The following GPR132 variants were observed in gnomAD, a reference collection of about 807,000 sequenced individuals.
GPR132 encodes the protein G protein-coupled receptor 132.
GPR132 carries 4 observed loss-of-function variants against 1.9 expected under a neutral mutation model. The observed-to-expected ratio is 2.13, with a 90% CI of 1.05 to 4.87. GPR132 has a LOEUF of 4.87. GPR132 is among the 30% of genes most tolerant of loss of function. GPR132 has a pLI of 0.01. For synonymous variants in GPR132, 233 were observed against 234.2 expected (o/e 0.99, Z 0.05); for missense variants, 404 against 512.5 (o/e 0.79, Z 2.04).
chr14:105,051,306 G>C lies in GPR132; in HGVS notation c.831C>G (p.Asn277Lys). The C allele has an allele frequency of 6.2e-7, 1 of 1,614,028 alleles. No individual in the cohort carries two copies. The highest frequency in any genetic ancestry group is 1.7e-5 in the Admixed American group (1 of 60,014). ...GCCTTTCCTCCAAGCCGCACATGGC[G>C]TTCCTGTCTCCTCTGTAGTAGGAAA... ...AAFSYYRGDR[N>K]AMCGLEERLY... The change falls in exon 4 of 4, where the codon AAC (asparagine) becomes AAG (lysine). Residue 277 changes from asparagine (N) to lysine (K), a missense_variant. Coordinates refer to ENST00000329797, the MANE Select transcript of GPR132 (RefSeq NM_013345.4). This position sits in a 1 kb window ranked among gnomAD's most constrained non-coding sequence, Gnocchi z 8.0.
rs59869492 is a variant in GPR132, at chr14:105,062,540, CTT to C, written c.-861+2837_-861+2838del. ...TCTTTTCTTTCTTTTCTTTTCTTTT[CTT>C]TTTTTTTTTTTTTTTTGAGATGGAG... is the stretch of plus-strand genomic sequence containing the variant. On this transcript the variant is annotated intron_variant, in intron 1 of 3. Transcript: ENST00000329797. 7.8e-3 allele frequency among the ~76,000 whole-genome samples: 1,004 copies of C among 128,560 alleles called. 8 individuals carry two copies. The highest frequency in any genetic ancestry group is 0.028 in the African/African-American group (950 of 33,776). The allele number at this position is 128,560 out of a possible 152,430, so 84.3% of individuals were successfully genotyped here. A position where few individuals can be genotyped will look rare whatever the true frequency, so the allele number is the denominator to read the frequency against.
chr14:105,058,624 T>G (rs1239779442), intron 1 of GPR132, among the ~76,000 whole-genome samples: 1 of 152,254 alleles, frequency 6.6e-6, no homozygotes, highest in African/African-American at 2.4e-5. Context: ...ACTTTTGACC[T>G]GGCTGATCCC....
In GPR132 at chr14:105,051,229, G is replaced by T; in HGVS notation, c.908C>A (p.Ala303Asp). 1 of 1,613,674 alleles carries T rather than the reference G, an allele frequency of 6.2e-7. No homozygotes were observed. Among genetic ancestry groups the T allele is most frequent in the East Asian group, 2.2e-5 (1 of 44,864 alleles). ...FLCLSTVNGV[A>D]DPIIYVLATD... ...GGCCAGCACGTAGATAATGGGGTCAGCCACGCCGTTCACCGTGGACAGGCA... is the reference window on the plus strand; with the variant it reads ...GGCCAGCACGTAGATAATGGGGTCATCCACGCCGTTCACCGTGGACAGGCA... The change falls in exon 4 of 4, where the codon GCT (alanine) becomes GAT (aspartate). Residue 303 changes from alanine to aspartate, a missense_variant. Physicochemically the swap from Ala to Asp is moderately radical, Grantham distance 126 (BLOSUM62 -2). Transcript: ENST00000329797. This position sits in a 1 kb window ranked among gnomAD's most constrained non-coding sequence, Gnocchi z 8.0.
rs1043414719 is a variant in GPR132, at chr14:105,056,116, G to A, written c.-696C>T. On this transcript the variant is annotated 5_prime_UTR_variant, in exon 3 of 4. Transcript: ENST00000329797. The surrounding 1 kb of genome is among the most constrained non-coding windows in gnomAD (Gnocchi z 6.0). ...TCCGGTCTCCCCACAGCCTCGCTGC[G>A]CTTGCTGGGTTTCTCCGGGTGAGTG... 21 of 985,228 alleles carry A rather than the reference G, an allele frequency of 2.1e-5. No individual in the cohort carries two copies. The East Asian group carries it at 6.8e-4, about 32-fold the overall frequency. The allele number at this position is 985,228 out of a possible 1,614,324, so 61.0% of individuals were successfully genotyped here. A position where few individuals can be genotyped will look rare whatever the true frequency, so the allele number is the denominator to read the frequency against.
rs1377340908 is a variant in GPR132 at position 105,056,360 on chromosome 14, C to G, written c.-746-194G>C. On this transcript the variant is annotated intron_variant, in intron 2 of 3. Coordinates refer to ENST00000329797, the MANE Select transcript of GPR132 (RefSeq NM_013345.4). This position sits in a 1 kb window ranked among gnomAD's most constrained non-coding sequence, Gnocchi z 6.0. ...TTTCCCATCAAACGAGTGCCCCAGC[C>G]CCGCTGTGCGAGTCCTGAGCTCAGA... Among the ~76,000 whole-genome samples the G allele has an allele frequency of 1.3e-5, 2 of 152,194 alleles. No individual in the cohort carries two copies. Among genetic ancestry groups the G allele is most frequent in the Non-Finnish European group, 2.9e-5 (2 of 68,038 alleles).
rs186257842 is a variant in GPR132, at chr14:105,057,021, C to A, written c.-747+146G>T. The A allele has an allele frequency of 4.5e-6, 3 of 672,808 alleles. No individual in the cohort carries two copies. In the African/African-American group the frequency reaches 5.4e-5, roughly 12 times the overall value. 41.7% of individuals were successfully genotyped at this position (672,808 alleles called of 1,614,324 possible). A position where few individuals can be genotyped will look rare whatever the true frequency, so the allele number is the denominator to read the frequency against. On this transcript the variant is annotated intron_variant, in intron 2 of 3. Transcript: ENST00000329797. Reference sequence around the variant, plus strand: ...CAGTCCTTCATTTCTCCATGTAGCACCTCTAGATTTATTATTGCTGAGCTA... The same window carrying A: ...CAGTCCTTCATTTCTCCATGTAGCAACTCTAGATTTATTATTGCTGAGCTA...
chr14:105,054,603 G>A (rs1886738803), intron 3 of GPR132, among the ~76,000 whole-genome samples: 1 of 150,724 alleles, frequency 6.6e-6, no homozygotes, highest in Admixed American at 6.6e-5. Context: ...TCTAATTTTT[G>A]TAGTTTTAGT....
In GPR132 at chr14:105,056,093, C is replaced by T. The variant is rs1259682673; in HGVS notation, c.-673G>A. On this transcript the variant is annotated 5_prime_UTR_variant, in exon 3 of 4. Transcript: ENST00000329797. The surrounding 1 kb of genome is among the most constrained non-coding windows in gnomAD (Gnocchi z 6.0). ...CTTCCCCCGGCGGTGTGCAGGGCTC[C>T]GGTCTCCCCACAGCCTCGCTGCGCT... The T allele has an allele frequency of 6.1e-6, 6 of 977,176 alleles. No homozygotes were observed. The highest frequency in any genetic ancestry group is 4.7e-5 in the South Asian group (1 of 21,154). The allele number at this position is 977,176 out of a possible 1,614,324, so 60.5% of individuals were successfully genotyped here.
At position 105,059,044 on chromosome 14, in the gene GPR132, C is replaced by T. The variant is rs1194162266; in HGVS notation, c.-860-1764G>A. Among the ~76,000 whole-genome samples, 1 of 152,248 alleles carries T rather than the reference C, an allele frequency of 6.6e-6. No individual in the cohort carries two copies. Among genetic ancestry groups the T allele is most frequent in the Non-Finnish European group, 1.5e-5 (1 of 68,044 alleles). On this transcript the variant is annotated intron_variant, in intron 1 of 3. Transcript: ENST00000329797. The surrounding 1 kb of genome is among the most constrained non-coding windows in gnomAD (Gnocchi z 4.2). ...CCTCCCTGGTGCCAGGCCCAACCCC[C>T]ACCCCATGCTGCCTGGTGCTGCCCT...
rs576486014 is a variant in GPR132, at chr14:105,054,184, G to A, written c.34+1203C>T. 52 of 1,246,426 alleles carry A rather than the reference G, an allele frequency of 4.2e-5. No homozygotes were observed. The East Asian group carries it at 4.9e-4, about 12-fold the overall frequency. 77.2% of individuals were successfully genotyped at this position (1,246,426 alleles called of 1,614,324 possible). On this transcript the variant is annotated intron_variant, in intron 3 of 3. Coordinates refer to ENST00000329797, the MANE Select transcript of GPR132 (RefSeq NM_013345.4). ...TCAGCACCTGACGGACGGACAGAGCGTTGCCAAACTTATTGGGCCACAGCA... is the reference window on the plus strand; with the variant it reads ...TCAGCACCTGACGGACGGACAGAGCATTGCCAAACTTATTGGGCCACAGCA...
intron 1 of GPR132, among the ~76,000 whole-genome samples, chr14:105,061,010 C>A (rs2140935575): frequency 6.6e-6 from 1 of 152,384 alleles, no homozygotes; most frequent in East Asian, 1.9e-4. Context: ...CCCATGCGGC[C>A]CATGCAGCGT....
rs1052176820 is a variant in GPR132 at position 105,056,094 on chromosome 14, G to A, written c.-674C>T. The stretch of plus-strand genomic sequence containing the variant: ...TTCCCCCGGCGGTGTGCAGGGCTCC[G>A]GTCTCCCCACAGCCTCGCTGCGCTT... On this transcript the variant is annotated 5_prime_UTR_variant, in exon 3 of 4. Coordinates refer to ENST00000329797, the MANE Select transcript of GPR132 (RefSeq NM_013345.4). The surrounding 1 kb of genome is among the most constrained non-coding windows in gnomAD (Gnocchi z 6.0). 34 of 979,884 alleles carry A rather than the reference G, an allele frequency of 3.5e-5. No homozygotes were observed. Among genetic ancestry groups the A allele is most frequent in the East Asian group, 1.1e-4 (1 of 8,788 alleles). 60.7% of individuals were successfully genotyped at this position (979,884 alleles called of 1,614,324 possible). A position where few individuals can be genotyped will look rare whatever the true frequency, so the allele number is the denominator to read the frequency against.
At position 105,056,597 on chromosome 14, in the gene GPR132, C is replaced by G. The variant is rs900244037; in HGVS notation, c.-746-431G>C. Among the ~76,000 whole-genome samples the G allele has an allele frequency of 6.6e-6, 1 of 152,318 alleles. No individual in the cohort carries two copies. Among genetic ancestry groups the G allele is most frequent in the East Asian group, 1.9e-4 (1 of 5,184 alleles). On this transcript the variant is annotated intron_variant, in intron 2 of 3. Transcript: ENST00000329797. This position sits in a 1 kb window ranked among gnomAD's most constrained non-coding sequence, Gnocchi z 6.0. ...CCCACCCCACACATCGTCGCCCGTG[C>G]GGTCTCAGTCAGGGCCTCGGTGCCC...
At position 105,060,312 on chromosome 14, in the gene GPR132, A is replaced by G. The variant is rs1052897073; in HGVS notation, c.-860-3032T>C. Among the ~76,000 whole-genome samples, 14 of 152,310 alleles carry G rather than the reference A, an allele frequency of 9.2e-5. No individual in the cohort carries two copies. In the East Asian group the frequency reaches 2.7e-3, roughly 29 times the overall value. On this transcript the variant is annotated intron_variant, in intron 1 of 3. Coordinates refer to ENST00000329797, the MANE Select transcript of GPR132 (RefSeq NM_013345.4). This position sits in a 1 kb window ranked among gnomAD's most constrained non-coding sequence, Gnocchi z 6.3. The stretch of plus-strand genomic sequence containing the variant: ...GTAGGTGAGGAAGCAGTGAGCCGGA[A>G]CCAGGAGGGCCAAGGAAGGCAGACC...
chr14:105,052,369 C>T (rs1048221649), intron 3 of GPR132, among the ~76,000 whole-genome samples: 1 of 151,888 alleles, frequency 6.6e-6, no homozygotes, highest in African/African-American at 2.4e-5. Flanking sequence ...CTCTTGTGGC[C>T]CAGGTTGGAG....
Position 105,055,300 on chromosome 14 carries a change from C to G in GPR132, c.34+87G>C. On this transcript the variant is annotated intron_variant, in intron 3 of 3. Transcript: ENST00000329797. The surrounding 1 kb of genome is among the most constrained non-coding windows in gnomAD (Gnocchi z 4.7). ...CGAGATTGTGCCACTGCACTCCAGC[C>G]TGGGCGATAGAGTGAGACTCAATCG... 1 of 776,006 alleles carries G rather than the reference C, an allele frequency of 1.3e-6. No homozygotes were observed. 48.1% of individuals were successfully genotyped at this position (776,006 alleles called of 1,614,324 possible). A position where few individuals can be genotyped will look rare whatever the true frequency, so the allele number is the denominator to read the frequency against.
intron 3 of GPR132, chr14:105,054,170 C>G (rs764741927): frequency 7.1e-6 from 9 of 1,264,894 alleles, no homozygotes; most frequent in Non-Finnish European, 8.2e-6. Flanking sequence ...CAGCACCTGA[C>G]GGACGGACAG....
intron 3 of GPR132, chr14:105,054,245 G>A (rs1040783721): frequency 1.2e-5 from 14 of 1,172,262 alleles, no homozygotes; most frequent in African/African-American, 1.1e-4. Flanking sequence ...GTGCCCTGGC[G>A]CGAGGTCAGG....
At chr14:105,052,399 C>G (rs1886675220) in intron 3 of GPR132, among the ~76,000 whole-genome samples, 1 of 152,106 alleles carries the variant, frequency 6.6e-6, no homozygotes, top group Non-Finnish European at 1.5e-5. Flanking sequence ...ACAACCTCGG[C>G]TCACTGCAAC....
Sources: gnomAD v4.1 joint callset for allele counts (sites outside exome capture counted in the v4.1 genomes callset) on GRCh38, gnomAD v4.1.1 for gene constraint, Gnocchi (gnomAD v3.1) non-coding constraint, MANE v1.5 for transcripts, NCBI Gene and HGNC (gene_info 2026-07-23, HGNC 2026-07-21) for gene names.